SH3RF3: variants seen among roughly 807,000 people sequenced by gnomAD.
The protein encoded by SH3RF3 is E3 ubiquitin-protein ligase SH3RF3.
SH3RF3 carries 29 observed loss-of-function variants against 66.3 expected under a neutral mutation model. That is an observed-to-expected ratio of 0.44 (90% confidence interval 0.33 to 0.60). The LOEUF is 0.60. Ranked by LOEUF, SH3RF3 falls within the 20% of genes least tolerant of loss-of-function variation. The pLI is 0.04. For missense variants in SH3RF3, 1,194 were observed against 1,190.9 expected, an observed-to-expected ratio of 1.00 and a Z score of -0.04; for synonymous variants, 583 against 532.0, an observed-to-expected ratio of 1.10 and a Z score of -1.32.
rs549857081 is a variant in SH3RF3 at position 109,214,789 on chromosome 2, C to T, written c.573+84676C>T. 2.8e-4 allele frequency among the ~76,000 whole-genome samples: 42 copies of T among 152,290 alleles called. No homozygotes were observed. In the South Asian group the frequency reaches 6.8e-3, roughly 25 times the overall value. ...TGGCTTCACCCCTCTGGACTTGCGT[C>T]CTCACCCCTAAAGGGGAGCAAGATC... is the stretch of plus-strand genomic sequence containing the variant. On this transcript the variant is annotated intron_variant, in intron 1 of 9. Transcript: ENST00000309415.
At chr2:109,287,130 T>C (rs912986195) in intron 1 of SH3RF3, among the ~76,000 whole-genome samples, 1 of 152,172 alleles carries the variant, frequency 6.6e-6, no homozygotes, top group African/African-American at 2.4e-5. Context: ...ATTGGCCTCA[T>C]GGGGGGTTGT....
At position 109,477,843 on chromosome 2, in the gene SH3RF3, A is replaced by C. The variant is rs563002699; in HGVS notation, c.2149-12762A>C. On this transcript the variant is annotated intron_variant, in intron 8 of 9. Transcript: ENST00000309415. ...TCATCTCCCAGAGACCCCACCTCCTAAGGCTATCACACTGGGAGCTGGGGT... is the reference window on the plus strand; with the variant it reads ...TCATCTCCCAGAGACCCCACCTCCTCAGGCTATCACACTGGGAGCTGGGGT... Among the ~76,000 whole-genome samples, 6 of 152,214 alleles carry C rather than the reference A, an allele frequency of 3.9e-5. No individual in the cohort carries two copies. In the East Asian group the frequency reaches 1.2e-3, roughly 29 times the overall value.
intron 9 of SH3RF3, among the ~76,000 whole-genome samples, chr2:109,498,477 A>C (rs1384794788): frequency 6.6e-6 from 1 of 152,166 alleles, no homozygotes; most frequent in Non-Finnish European, 1.5e-5. Flanking sequence ...CCTGGCACCA[A>C]GCCAAACTGC....
chr2:109,495,636 C>G (rs1045165910), intron 9 of SH3RF3, among the ~76,000 whole-genome samples: 2 of 151,874 alleles, frequency 1.3e-5, no homozygotes, highest in Non-Finnish European at 2.9e-5. Context: ...TGATTACAGG[C>G]GTCCACTGAC....
chr2:109,197,888 C>T (rs913536687), intron 1 of SH3RF3, among the ~76,000 whole-genome samples: 2 of 152,244 alleles, frequency 1.3e-5, no homozygotes, highest in African/African-American at 2.4e-5. Flanking sequence ...ACTGCACTTG[C>T]CTTTTGCATC....
intron 1 of SH3RF3, among the ~76,000 whole-genome samples, chr2:109,214,150 G>A (rs1431147859): frequency 6.6e-6 from 1 of 152,214 alleles, no homozygotes; most frequent in East Asian, 1.9e-4. Context: ...GTCTAGGTAG[G>A]GGCCTCAGCA....
At chr2:109,152,221 G>T in intron 1 of SH3RF3, among the ~76,000 whole-genome samples, 1 of 152,228 alleles carries the variant, frequency 6.6e-6, no homozygotes, top group Admixed American at 6.5e-5. Flanking sequence ...CACCTGTCAG[G>T]TGGTTCATTT....
intron 1 of SH3RF3, among the ~76,000 whole-genome samples, chr2:109,193,034 C>T (rs748296636): frequency 9.9e-5 from 15 of 152,226 alleles, no homozygotes; most frequent in Non-Finnish European, 1.9e-4. Flanking sequence ...GATCCATCAA[C>T]AGATGTCAAT....
In SH3RF3 at chr2:109,449,327, A is replaced by C. The variant is rs754038639; in HGVS notation, c.1986A>C (p.Pro662=). The C allele has an allele frequency of 3.7e-6, 6 of 1,604,910 alleles. No individual in the cohort carries two copies. Among genetic ancestry groups the C allele is most frequent in the Non-Finnish European group, 5.1e-6 (6 of 1,174,982 alleles). Residue 662 remains proline (P), a synonymous_variant, in exon 8 of 10, where the codon CCA becomes CCC. Transcript: ENST00000309415. ...ACCAGCCCCCGGTGCAGATGTGCCC[A>C]CGGCCGGCCATCCCCCTCACATCAG... ...HSHQPPVQMC[P]RPAIPLTSAA... is the part of the protein sequence containing the mutation.
chr2:109,412,193 C>T (rs1197503056), intron 4 of SH3RF3, among the ~76,000 whole-genome samples: 1 of 152,416 alleles, frequency 6.6e-6, no homozygotes, highest in African/African-American at 2.4e-5. Flanking sequence ...AGTGTGCACT[C>T]TCAGCCTAGC....
chr2:109,283,753 G>T (rs1318782825), intron 1 of SH3RF3, among the ~76,000 whole-genome samples: 1 of 152,212 alleles, frequency 6.6e-6, no homozygotes, highest in Non-Finnish European at 1.5e-5. Context: ...GAGGTGCTAC[G>T]TGCTGGATTT....
chr2:109,338,052 C>T (rs377074864), intron 1 of SH3RF3, among the ~76,000 whole-genome samples: 174 of 152,150 alleles, frequency 1.1e-3, no homozygotes, highest in South Asian at 3.1e-3. Context: ...TTTGATGGAG[C>T]TTGCCAGTCT....
At chr2:109,326,636 G>A (rs1055447007) in intron 1 of SH3RF3, among the ~76,000 whole-genome samples, 1 of 152,164 alleles carries the variant, frequency 6.6e-6, no homozygotes, top group Non-Finnish European at 1.5e-5. Flanking sequence ...GACCATTTGT[G>A]TTCATAGCCT....
chr2:109,420,176 C>T (rs1676833438), intron 5 of SH3RF3, among the ~76,000 whole-genome samples: 1 of 152,194 alleles, frequency 6.6e-6, no homozygotes, highest in Non-Finnish European at 1.5e-5. Context: ...GAAAATCTGC[C>T]CAGTTAAATT....
At chr2:109,171,001 C>T (rs1443935922) in intron 1 of SH3RF3, among the ~76,000 whole-genome samples, 2 of 152,248 alleles carry the variant, frequency 1.3e-5, no homozygotes, top group Admixed American at 1.3e-4. Context: ...GAACCAAGCC[C>T]GGGAGGCACA....
In SH3RF3 at chr2:109,313,247, C is replaced by T. The variant is rs1681777228; in HGVS notation, c.574-34427C>T. On this transcript the variant is annotated intron_variant, in intron 1 of 9. Transcript: ENST00000309415. ...TTGACACCGGCATGATATCAGGATC[C>T]CTATTCCTCTTCACAAGGCCCAGGC... is the stretch of plus-strand genomic sequence containing the variant. 2.6e-5 allele frequency among the ~76,000 whole-genome samples: 4 copies of T among 152,294 alleles called. No homozygotes were observed. The South Asian group carries it at 8.3e-4, about 32-fold the overall frequency.
rs182032197 is a variant in SH3RF3, at chr2:109,301,521, A to T, written c.574-46153A>T. Among the ~76,000 whole-genome samples, 513 of 152,220 alleles carry T rather than the reference A, an allele frequency of 3.4e-3. 2 individuals are homozygous for T. Among genetic ancestry groups the T allele is most frequent in the Non-Finnish European group, 5.1e-3 (348 of 68,020 alleles). ...GTGCCGCAGAGTGACAGCACAGGGCATGCCAGGACACCAGGGTGCCCAGAG... is the reference window on the plus strand; with the variant it reads ...GTGCCGCAGAGTGACAGCACAGGGCTTGCCAGGACACCAGGGTGCCCAGAG... On this transcript the variant is annotated intron_variant, in intron 1 of 9. Coordinates refer to ENST00000309415, the MANE Select transcript of SH3RF3 (RefSeq NM_001099289.3).
chr2:109,338,280 G>A lies in SH3RF3; in HGVS notation c.574-9394G>A, dbSNP rs963108987. Among the ~76,000 whole-genome samples the A allele has an allele frequency of 8.5e-5, 13 of 152,100 alleles. No homozygotes were observed. The East Asian group carries it at 2.3e-3, about 27-fold the overall frequency. ...CTTAGCACGCTTGTTTTGCAGGTAC[G>A]GAAACTGAGGCATGGAGCAGGCAGG... On this transcript the variant is annotated intron_variant, in intron 1 of 9. Coordinates refer to ENST00000309415, the MANE Select transcript of SH3RF3 (RefSeq NM_001099289.3).
At chr2:109,438,432 C>T (rs1005423206) in intron 7 of SH3RF3, among the ~76,000 whole-genome samples, 7 of 152,144 alleles carry the variant, frequency 4.6e-5, no homozygotes, top group African/African-American at 1.7e-4. Flanking sequence ...TGGTGGTGTA[C>T]CTGTCAAGCA....
Sources: gnomAD v4.1 joint callset for allele counts (sites outside exome capture counted in the v4.1 genomes callset) on GRCh38, gnomAD v4.1.1 for gene constraint, MANE v1.5 for transcripts, NCBI Gene and HGNC (gene_info 2026-07-23, HGNC 2026-07-21) for gene names.